TTC1: variants seen among roughly 807,000 people sequenced by gnomAD.
The protein encoded by TTC1 is tetratricopeptide repeat protein 1.
A neutral mutation model predicts 37.6 loss-of-function variants in TTC1; 31 were observed. The observed-to-expected ratio is 0.82, with a 90% CI of 0.62 to 1.11. TTC1 has a LOEUF of 1.11. Ranked by LOEUF, TTC1 falls within the 50% of genes most tolerant of loss-of-function variation. The probability of loss-of-function intolerance (pLI) is 0.00; values close to 1 mark genes in which losing one functional copy is unlikely to be tolerated. For synonymous variants in TTC1, 127 were observed against 122.4 expected, an observed-to-expected ratio of 1.04 and a Z score of -0.25; for missense variants, 351 against 339.0, an observed-to-expected ratio of 1.04 and a Z score of -0.28.
chr5:160,045,546 TCTCTCTCCCC>T (rs1334586226), intron 5 of TTC1, among the ~76,000 whole-genome samples: 1 of 128,218 alleles, frequency 7.8e-6, no homozygotes, highest in Non-Finnish European at 1.6e-5. Context: ...TCTCTCTCTC[TCTCTCTCCCC>T]CTCCCCTCTC....
In TTC1 at chr5:160,048,190, C is replaced by G. The variant is rs902391242; in HGVS notation, c.542-1324C>G. Reference sequence around the variant, plus strand: ...GACAGAGTATTATCTCTCTGTTGCCCGGGCTGGAGTACAGTGATGCAATCG... The same window carrying G: ...GACAGAGTATTATCTCTCTGTTGCCGGGGCTGGAGTACAGTGATGCAATCG... On this transcript the variant is annotated intron_variant, in intron 5 of 7. Coordinates refer to ENST00000231238, the MANE Select transcript of TTC1 (RefSeq NM_003314.3). Among the ~76,000 whole-genome samples, 11 of 111,930 alleles carry G rather than the reference C, an allele frequency of 9.8e-5. No homozygotes were observed. In the Admixed American group the frequency reaches 1.2e-3, roughly 13 times the overall value. 73.4% of individuals were successfully genotyped at this position (111,930 alleles called of 152,430 possible).
chr5:160,044,042 A>C (rs746447978), intron 5 of TTC1, among the ~76,000 whole-genome samples: 1 of 152,170 alleles, frequency 6.6e-6, no homozygotes, highest in Non-Finnish European at 1.5e-5. Context: ...CACCAACTTC[A>C]TGTGAAGAAT....
intron 2 of TTC1, among the ~76,000 whole-genome samples, chr5:160,021,782 T>C (rs1365143742): frequency 6.6e-6 from 1 of 152,212 alleles, no homozygotes. Context: ...CTGATGTCCC[T>C]AGCCCTTCCA....
intron 2 of TTC1, among the ~76,000 whole-genome samples, chr5:160,013,039 A>G (rs1464360469): frequency 6.6e-6 from 1 of 152,164 alleles, no homozygotes; most frequent in Non-Finnish European, 1.5e-5. Context: ...AATATTTTCT[A>G]TTCATTTATA....
At chr5:160,009,512 A>C (rs1348983555) in intron 1 of TTC1, among the ~76,000 whole-genome samples, 1 of 152,120 alleles carries the variant, frequency 6.6e-6, no homozygotes, top group Non-Finnish European at 1.5e-5. Context: ...AATTTTTGCA[A>C]ATGTCTGGGC....
chr5:160,028,858 C>G (rs1041450877), intron 2 of TTC1, among the ~76,000 whole-genome samples: 2 of 151,960 alleles, frequency 1.3e-5, no homozygotes, highest in Admixed American at 6.6e-5. Context: ...TATTTTTGAA[C>G]TGTATAAATA....
chr5:160,036,755 G>A lies in TTC1; in HGVS notation c.456G>A (p.Lys152=). The A allele has an allele frequency of 6.2e-7, 1 of 1,613,986 alleles. No individual in the cohort carries two copies. ...ALEMCPSCFQ[K]ERSILFSNRA... is the part of the protein sequence containing the mutation. ...AAATGTGCCCATCCTGCTTCCAAAA[G>A]GAGAGGTCGATTCTATTTTCAAATA... Residue 152 remains lysine, a synonymous_variant, in exon 4 of 8, where the codon AAG becomes AAA. Transcript: ENST00000231238.
At chr5:160,042,337 C>T (rs1757114517) in intron 4 of TTC1, among the ~76,000 whole-genome samples, 1 of 152,182 alleles carries the variant, frequency 6.6e-6, no homozygotes, top group African/African-American at 2.4e-5. Flanking sequence ...GAATATTGAA[C>T]ACTTATTTGA....
At chr5:160,024,298 A>G (rs1335230737) in intron 2 of TTC1, among the ~76,000 whole-genome samples, 1 of 152,206 alleles carries the variant, frequency 6.6e-6, no homozygotes, top group African/African-American at 2.4e-5. Flanking sequence ...GAAAGTAGCA[A>G]AAAATAGATT....
intron 5 of TTC1, among the ~76,000 whole-genome samples, chr5:160,045,520 ACTCTCTCTCTCTCT>A (rs749296749): frequency 1.8e-5 from 1 of 54,880 alleles, no homozygotes; most frequent in African/African-American, 8.8e-5. Flanking sequence ...ACACATACAC[ACTCTCTCTCTCTCT>A]CTCTCTCTCT....
At chr5:160,030,035 A>G (rs961464501) in intron 2 of TTC1, among the ~76,000 whole-genome samples, 1 of 152,174 alleles carries the variant, frequency 6.6e-6, no homozygotes, top group African/African-American at 2.4e-5. Context: ...AATTTTTTGC[A>G]GTGCTTTTAT....
chr5:160,024,098 C>A (rs1187485650), intron 2 of TTC1: 1 of 811,424 alleles, frequency 1.2e-6, no homozygotes, highest in Non-Finnish European at 2.1e-6. Context: ...ATGGGTAGAG[C>A]CTTCTCTGTG....
intron 2 of TTC1, among the ~76,000 whole-genome samples, chr5:160,034,184 TTTG>T (rs1474883676): frequency 3.9e-5 from 6 of 152,058 alleles, no homozygotes; most frequent in South Asian, 2.1e-4. Flanking sequence ...TTGGGGTTTT[TTTG>T]TTGTTTTTGT....
intron 7 of TTC1, among the ~76,000 whole-genome samples, chr5:160,051,480 C>T (rs533324760): frequency 1.3e-5 from 2 of 152,272 alleles, no homozygotes; most frequent in African/African-American, 4.8e-5. Flanking sequence ...CCTAGGATAC[C>T]ACCAACCTCG....
intron 2 of TTC1, among the ~76,000 whole-genome samples, chr5:160,019,624 G>C (rs1028176778): frequency 3.8e-5 from 4 of 104,900 alleles, no homozygotes; most frequent in Non-Finnish European, 6.9e-5. Flanking sequence ...TTCCCTCTCT[G>C]TTGCCCAAGC....
chr5:160,025,117 T>C (rs1428762392), intron 2 of TTC1, among the ~76,000 whole-genome samples: 1 of 152,256 alleles, frequency 6.6e-6, no homozygotes, highest in Non-Finnish European at 1.5e-5. Context: ...AACCTCTGCC[T>C]CCCAGGTTCT....
chr5:160,040,510 T>A (rs1757069591), intron 4 of TTC1, among the ~76,000 whole-genome samples: 2 of 152,210 alleles, frequency 1.3e-5, no homozygotes, highest in Admixed American at 6.5e-5. Flanking sequence ...TAAATTTTTT[T>A]AAACTCTTTT....
intron 2 of TTC1, among the ~76,000 whole-genome samples, chr5:160,031,601 G>C (rs1756910594): frequency 6.6e-6 from 1 of 151,990 alleles, no homozygotes; most frequent in African/African-American, 2.4e-5. Context: ...GTGATGGAGT[G>C]AGACTCTGTC....
intron 2 of TTC1, among the ~76,000 whole-genome samples, chr5:160,028,950 A>C (rs1430844491): frequency 6.6e-6 from 1 of 152,250 alleles, no homozygotes; most frequent in African/African-American, 2.4e-5. Flanking sequence ...ACAAGTTAAC[A>C]TAACAATCAT....
Sources: gnomAD v4.1 joint callset for allele counts (sites outside exome capture counted in the v4.1 genomes callset) on GRCh38, gnomAD v4.1.1 for gene constraint, MANE v1.5 for transcripts, NCBI Gene and HGNC (gene_info 2026-07-23, HGNC 2026-07-21) for gene names.